The following SYT17 variants were observed in gnomAD, a reference collection of about 807,000 sequenced individuals.
SYT17 encodes synaptotagmin-17.
Under a neutral mutation model 46.7 loss-of-function variants are expected in SYT17, and 22 were observed. The observed-to-expected ratio is 0.47, with a 90% CI of 0.34 to 0.67. The LOEUF (loss-of-function observed/expected upper bound fraction) is 0.67. Ranked by LOEUF, SYT17 falls within the 30% of genes least tolerant of loss-of-function variation. The probability of loss-of-function intolerance (pLI) is 0.01; values close to 1 mark genes in which losing one functional copy is unlikely to be tolerated. For synonymous variants in SYT17, 251 were observed against 248.4 expected (o/e 1.01, Z -0.10); for missense variants, 519 against 612.8 (o/e 0.85, Z 1.62).
At position 19,266,953 on chromosome 16, in the gene SYT17, C is replaced by T; in HGVS notation, c.1302C>T (p.Pro434=). Residue 434 remains proline, a synonymous_variant, in exon 8 of 8, where the codon CCC becomes CCT. Transcript: ENST00000355377. ...RIVIGQYSSG[P]SETNHWRRML... is the part of the protein sequence containing the mutation. ...TCATTGGCCAGTACTCTTCAGGCCC[C>T]TCTGAGACCAACCACTGGAGGCGCA... is the stretch of plus-strand genomic sequence containing the variant. The T allele has an allele frequency of 1.2e-6, 2 of 1,613,900 alleles. No homozygotes were observed. The highest frequency in any genetic ancestry group is 1.7e-5 in the Admixed American group (1 of 59,996).
At chr16:19,196,691 T>C (rs1384921038) in intron 5 of SYT17, among the ~76,000 whole-genome samples, 1 of 152,174 alleles carries the variant, frequency 6.6e-6, no homozygotes, top group Non-Finnish European at 1.5e-5. Context: ...CCTACCAGAA[T>C]GGTACATTTG....
At chr16:19,265,278 A>G (rs1296742612) in intron 7 of SYT17, among the ~76,000 whole-genome samples, 1 of 152,222 alleles carries the variant, frequency 6.6e-6, no homozygotes, top group Admixed American at 6.5e-5. Flanking sequence ...ATTTGCATGT[A>G]AATGAGGTCC....
intron 5 of SYT17, among the ~76,000 whole-genome samples, chr16:19,221,513 G>A (rs1966317013): frequency 6.6e-6 from 1 of 152,190 alleles, no homozygotes; most frequent in Non-Finnish European, 1.5e-5. Flanking sequence ...AAATACACCT[G>A]CAGGCTGTTT....
intron 7 of SYT17, among the ~76,000 whole-genome samples, chr16:19,232,179 G>A (rs1022649151): frequency 6.6e-6 from 1 of 152,182 alleles, no homozygotes; most frequent in Admixed American, 6.5e-5. Flanking sequence ...ATTGACCAGG[G>A]CATAGGCTTA....
intron 7 of SYT17, among the ~76,000 whole-genome samples, chr16:19,263,840 CAGAT>C (rs1178185871): frequency 6.6e-6 from 1 of 152,106 alleles, no homozygotes; most frequent in Admixed American, 6.6e-5. Context: ...ATGAACCAGA[CAGAT>C]AGCAGATATG....
intron 4 of SYT17, among the ~76,000 whole-genome samples, chr16:19,182,930 T>C (rs1392900251): frequency 1.3e-5 from 2 of 152,250 alleles, no homozygotes; most frequent in Non-Finnish European, 1.5e-5. Flanking sequence ...GGTGCCGTTA[T>C]TGACTCTATT....
rs544276007 is a variant in SYT17, at chr16:19,172,820, G to T, written c.33+43G>T. On this transcript the variant is annotated intron_variant, in intron 2 of 7. Coordinates refer to ENST00000355377, the MANE Select transcript of SYT17 (RefSeq NM_016524.4). ...TTTGTTTGGTCTGGTTTCTAATCAA[G>T]AAATGCCTGACTTTCATTTTGGAGT... is the stretch of plus-strand genomic sequence containing the variant. The T allele has an allele frequency of 8.9e-5, 144 of 1,612,662 alleles. No individual in the cohort carries two copies. The South Asian group carries it at 1.5e-3, about 17-fold the overall frequency.
chr16:19,184,954 AC>A (rs1386372644), intron 5 of SYT17, among the ~76,000 whole-genome samples: 1 of 152,132 alleles, frequency 6.6e-6, no homozygotes, highest in East Asian at 1.9e-4. Flanking sequence ...CCACCCACGG[AC>A]CAGGCTGTGT....
chr16:19,266,345 C>A (rs1969353145), intron 7 of SYT17, among the ~76,000 whole-genome samples: 1 of 152,230 alleles, frequency 6.6e-6, no homozygotes, highest in Non-Finnish European at 1.5e-5. Context: ...CTGCTACCAG[C>A]TTCTAGTACG....
intron 5 of SYT17, among the ~76,000 whole-genome samples, chr16:19,215,353 ATGT>A (rs1253456301): frequency 6.6e-6 from 1 of 152,208 alleles, no homozygotes; most frequent in Non-Finnish European, 1.5e-5. Context: ...GGTGAAGGTG[ATGT>A]TGTTTCTAAG....
chr16:19,236,628 G>C (rs1966852298), intron 7 of SYT17, among the ~76,000 whole-genome samples: 1 of 152,168 alleles, frequency 6.6e-6, no homozygotes, highest in African/African-American at 2.4e-5. Context: ...TACAGCAAAA[G>C]GGTGCAAATT....
rs1964629840 is a variant in SYT17, at chr16:19,183,295, G to T, written c.332-233G>T. Among the ~76,000 whole-genome samples the T allele has an allele frequency of 1.3e-5, 2 of 152,202 alleles. No individual in the cohort carries two copies. The highest frequency in any genetic ancestry group is 4.8e-5 in the African/African-American group (2 of 41,446). Reference sequence around the variant, plus strand: ...GATTGCACATATGCGATGATGTAGTGTACACAGTCCATTAGAGCAGTGCCT... The same window carrying T: ...GATTGCACATATGCGATGATGTAGTTTACACAGTCCATTAGAGCAGTGCCT... On this transcript the variant is annotated intron_variant, in intron 4 of 7. Coordinates refer to ENST00000355377, the MANE Select transcript of SYT17 (RefSeq NM_016524.4). This position sits in a 1 kb window ranked among gnomAD's most constrained non-coding sequence, Gnocchi z 5.6.
chr16:19,222,119 A>C (rs1431030605), intron 5 of SYT17, among the ~76,000 whole-genome samples: 1 of 152,224 alleles, frequency 6.6e-6, no homozygotes. Flanking sequence ...ATGCAGGTAC[A>C]ATGACACCAT....
intron 5 of SYT17, among the ~76,000 whole-genome samples, chr16:19,190,247 T>C (rs1441619023): frequency 6.6e-6 from 1 of 152,182 alleles, no homozygotes; most frequent in Non-Finnish European, 1.5e-5. Flanking sequence ...GGCGGGCACC[T>C]ATAATCCCAG....
chr16:19,253,724 A>G (rs1023492518), intron 7 of SYT17, among the ~76,000 whole-genome samples: 3 of 152,034 alleles, frequency 2.0e-5, no homozygotes, highest in Non-Finnish European at 4.4e-5. Flanking sequence ...CTCTCTTTCA[A>G]TTCTCTTTTT....
intron 5 of SYT17, among the ~76,000 whole-genome samples, chr16:19,190,768 CTG>C (rs56947560): frequency 0.27 from 38,960 of 144,278 alleles, 5,857 homozygotes; most frequent in East Asian, 0.49. Context: ...AATAATATTC[CTG>C]TGTGTGTGTG....
chr16:19,184,350 G>T (rs1964690610), intron 5 of SYT17, among the ~76,000 whole-genome samples: 1 of 151,924 alleles, frequency 6.6e-6, no homozygotes, highest in Admixed American at 6.6e-5. Flanking sequence ...ACGCAACCAG[G>T]AAATAGATGT....
chr16:19,204,250 A>G (rs1965580345), intron 5 of SYT17, among the ~76,000 whole-genome samples: 1 of 152,096 alleles, frequency 6.6e-6, no homozygotes, highest in African/African-American at 2.4e-5. Context: ...ATCTCCAGAC[A>G]TTGCCACATG....
chr16:19,249,764 A>T (rs1967897415), intron 7 of SYT17, among the ~76,000 whole-genome samples: 4 of 152,152 alleles, frequency 2.6e-5, no homozygotes, highest in Non-Finnish European at 5.9e-5. Context: ...ACAAAATATG[A>T]AGGTTTCAGA....
Sources: gnomAD v4.1 joint callset for allele counts (sites outside exome capture counted in the v4.1 genomes callset) on GRCh38, gnomAD v4.1.1 for gene constraint, Gnocchi (gnomAD v3.1) non-coding constraint, MANE v1.5 for transcripts, NCBI Gene and HGNC (gene_info 2026-07-23, HGNC 2026-07-21) for gene names.